ACSL3: variants seen among roughly 807,000 people sequenced by gnomAD.
ACSL3 encodes acyl-CoA synthetase long chain family member 3.
Under a neutral mutation model 84.7 loss-of-function variants are expected in ACSL3, and 34 were observed. The observed-to-expected ratio is 0.40, with a 90% CI of 0.31 to 0.53. ACSL3 has a LOEUF of 0.53. Ranked by LOEUF, ACSL3 falls within the 20% of genes least tolerant of loss-of-function variation. The pLI, the probability that ACSL3 is intolerant of heterozygous loss-of-function variation, is 0.48. For synonymous variants in ACSL3, 315 were observed against 299.4 expected, an observed-to-expected ratio of 1.05 and a Z score of -0.54; for missense variants, 680 against 873.1, an observed-to-expected ratio of 0.78 and a Z score of 2.79.
chr2:222,863,058 A>G (rs189691498), intron 1 of ACSL3, among the ~76,000 whole-genome samples: 2 of 152,252 alleles, frequency 1.3e-5, no homozygotes, highest in East Asian at 3.9e-4. Flanking sequence ...TCCTCATTTG[A>G]TTAATTGACT....
chr2:222,936,628 G>A (rs894640009), intron 16 of ACSL3, among the ~76,000 whole-genome samples: 6 of 2,774 alleles, frequency 2.2e-3, no homozygotes, highest in African/African-American at 0.012. Flanking sequence ...CCCCACCCCC[G>A]TAGTTAAGTT....
intron 14 of ACSL3, 87 bp from the exon 15 acceptor site, chr2:222,933,079 G>A (rs17781935): frequency 0.083 from 57,806 of 700,042 alleles, 2,900 homozygotes; most frequent in Middle Eastern, 0.13. Context: ...AAATTACTTA[G>A]AGAATGGCCA....
At chr2:222,910,502 AG>A (rs1160341596) in intron 4 of ACSL3, among the ~76,000 whole-genome samples, 1 of 152,218 alleles carries the variant, frequency 6.6e-6, no homozygotes, top group Non-Finnish European at 1.5e-5. Flanking sequence ...TGAAAAACTC[AG>A]AGCTCCTCTT....
intron 15 of ACSL3, 48 bp from the exon 16 acceptor site, chr2:222,934,482 C>T (rs769403671): frequency 1.5e-5 from 21 of 1,420,094 alleles, no homozygotes; most frequent in Admixed American, 3.0e-5. Flanking sequence ...CTGCAGTCAA[C>T]ACAGTTCACC....
In ACSL3 at chr2:222,927,204, G is replaced by C; in HGVS notation, c.1465+15G>C. 2 of 1,607,790 alleles carry C rather than the reference G, an allele frequency of 1.2e-6. No individual in the cohort carries two copies. The highest frequency in any genetic ancestry group is 1.7e-6 in the Non-Finnish European group (2 of 1,174,646). Reference sequence around the variant, plus strand: ...AATTTCCGAAGGTAGTGTTCTCCATGGTCAGAGGCTGGAGTGTGATGCCAG... The same window carrying C: ...AATTTCCGAAGGTAGTGTTCTCCATCGTCAGAGGCTGGAGTGTGATGCCAG... On this transcript the variant is annotated intron_variant, in intron 12 of 16. Coordinates refer to ENST00000357430, the MANE Select transcript of ACSL3 (RefSeq NM_004457.5).
At chr2:222,921,196 T>C (rs939325382) in intron 7 of ACSL3, 84 bp from the exon 8 acceptor site, 10 of 1,435,004 alleles carry the variant, frequency 7.0e-6, no homozygotes, top group African/African-American at 1.4e-5. Context: ...GATTGAGTTA[T>C]TTATTTGATG....
At chr2:222,940,900 ATT>A (rs113046012) in intron 16 of ACSL3, among the ~76,000 whole-genome samples, 1 of 146,052 alleles carries the variant, frequency 6.8e-6, no homozygotes, top group African/African-American at 2.5e-5. Flanking sequence ...TCTAAATGTA[ATT>A]TTTTTTTTTT....
At chr2:222,894,810 T>C (rs1483452926) in intron 2 of ACSL3, among the ~76,000 whole-genome samples, 3 of 152,216 alleles carry the variant, frequency 2.0e-5, no homozygotes, top group Non-Finnish European at 4.4e-5. Context: ...AGCTTACTTT[T>C]AATGGCTGCA....
intron 13 of ACSL3, among the ~76,000 whole-genome samples, chr2:222,930,043 C>T (rs188782876): frequency 5.3e-4 from 80 of 150,662 alleles, no homozygotes; most frequent in African/African-American, 1.7e-3. Flanking sequence ...ATTCTCCTGC[C>T]TCAGCCTCCC....
chr2:222,922,053 T>C (rs576138568), intron 8 of ACSL3, among the ~76,000 whole-genome samples: 1 of 152,332 alleles, frequency 6.6e-6, no homozygotes, highest in South Asian at 2.1e-4. Context: ...GATGGAGGAA[T>C]GTCTCTTACG....
chr2:222,942,925 T>G lies in ACSL3; in HGVS notation c.*1271T>G, dbSNP rs906235143. 2.2e-5 allele frequency: 5 copies of G among 223,794 alleles called. No homozygotes were observed. The highest frequency in any genetic ancestry group is 1.1e-4 in the African/African-American group (5 of 44,770). 13.9% of individuals were successfully genotyped at this position (223,794 alleles called of 1,614,324 possible). Reference sequence around the variant, plus strand: ...TTGTGTGATACATAGTCTCTTCATTTATTACTGCTTGTCTGTTGTTATATC... The same window carrying G: ...TTGTGTGATACATAGTCTCTTCATTGATTACTGCTTGTCTGTTGTTATATC... On this transcript the variant is annotated 3_prime_UTR_variant, in exon 17 of 17. Transcript: ENST00000357430.
Position 222,922,727 on chromosome 2 carries a change from G to A in ACSL3, c.976G>A (p.Gly326Arg). 6.2e-7 allele frequency: 1 copy of A among 1,614,084 alleles called. No homozygotes were observed. The highest frequency in any genetic ancestry group is 8.5e-7 in the Non-Finnish European group (1 of 1,179,974). Residue 326 changes from glycine (G) to arginine (R), a missense_variant, in exon 9 of 17, where the codon GGA becomes AGA. Physicochemically the swap from Gly to Arg is moderately radical, Grantham distance 125. Coordinates refer to ENST00000357430, the MANE Select transcript of ACSL3 (RefSeq NM_004457.5). ...PELGEEDVYI[G>R]YLPLAHVLEL... ...TTTTAGAGAGGAAGATGTCTACATT[G>A]GATATTTGCCTCTGGCCCATGTTCT...
chr2:222,869,938 C>T (rs1026433960), intron 1 of ACSL3, among the ~76,000 whole-genome samples: 1 of 152,090 alleles, frequency 6.6e-6, no homozygotes, highest in African/African-American at 2.4e-5. Context: ...ATTAAACCTT[C>T]TAGGAATAGA....
intron 1 of ACSL3, among the ~76,000 whole-genome samples, chr2:222,873,099 G>A (rs1436477874): frequency 2.0e-5 from 3 of 152,120 alleles, no homozygotes; most frequent in African/African-American, 7.2e-5. Context: ...TTGGTCCTCA[G>A]TTACTACAAA....
At chr2:222,919,397 T>C in intron 7 of ACSL3, 195 bp downstream of exon 7, 1 of 446,680 alleles carries the variant, frequency 2.2e-6, no homozygotes, top group Non-Finnish European at 3.9e-6. Context: ...TAAACATTAA[T>C]TATTAATGTT....
At chr2:222,900,076 C>A (rs1696098870) in intron 2 of ACSL3, among the ~76,000 whole-genome samples, 2 of 152,164 alleles carry the variant, frequency 1.3e-5, no homozygotes, top group Non-Finnish European at 2.9e-5. Context: ...CATAAAGTAT[C>A]TATGACTAGT....
chr2:222,863,661 CATA>C (rs1212154942), intron 1 of ACSL3, among the ~76,000 whole-genome samples: 1 of 152,130 alleles, frequency 6.6e-6, no homozygotes, highest in Non-Finnish European at 1.5e-5. Flanking sequence ...CAACGAGCAT[CATA>C]ATGACTCAAA....
At chr2:222,881,331 T>C (rs1327417265) in intron 1 of ACSL3, among the ~76,000 whole-genome samples, 1 of 152,254 alleles carries the variant, frequency 6.6e-6, no homozygotes, top group Non-Finnish European at 1.5e-5. Flanking sequence ...TTGGACAGCA[T>C]AGAGTTAGAG....
chr2:222,925,265 G>A (rs1034339237), intron 11 of ACSL3, among the ~76,000 whole-genome samples: 1 of 151,236 alleles, frequency 6.6e-6, no homozygotes, highest in African/African-American at 2.4e-5. Context: ...GAACTCCCTC[G>A]GGAGGCAGAG....
Sources: gnomAD v4.1 joint callset for allele counts (sites outside exome capture counted in the v4.1 genomes callset) on GRCh38, gnomAD v4.1.1 for gene constraint, MANE v1.5 for transcripts, NCBI Gene and HGNC (gene_info 2026-07-23, HGNC 2026-07-21) for gene names.